Variants in DYNLL1 observed in about 807,000 individuals in gnomAD.
DYNLL1 encodes the protein dynein light chain 1, cytoplasmic.
A neutral mutation model predicts 10.1 loss-of-function variants in DYNLL1; 3 were observed. The ratio of observed to expected loss-of-function variants is 0.30; its 90% CI spans 0.14 to 0.77. The LOEUF (loss-of-function observed/expected upper bound fraction) is 0.77. Among genes scored for constraint, DYNLL1 ranks in the 30% least tolerant of loss-of-function variants. The pLI, the probability that DYNLL1 is intolerant of heterozygous loss-of-function variation, is 0.66. For missense variants in DYNLL1, 47 were observed against 111.7 expected (o/e 0.42, Z 2.61); for synonymous variants, 46 against 41.2 (o/e 1.12, Z -0.45).
chr12:120,474,204 G>A (rs536587503), intron 1 of DYNLL1, among the ~76,000 whole-genome samples: 1 of 151,736 alleles, frequency 6.6e-6, no homozygotes, highest in Non-Finnish European at 1.5e-5. Flanking sequence ...GGAGGCTGAG[G>A]GGGGAGAATC....
intron 1 of DYNLL1, among the ~76,000 whole-genome samples, chr12:120,472,485 C>T (rs1228250370): frequency 1.3e-5 from 2 of 151,998 alleles, no homozygotes; most frequent in Non-Finnish European, 2.9e-5. Flanking sequence ...TATAGGCATC[C>T]GAAAGTCCAG....
intron 1 of DYNLL1, among the ~76,000 whole-genome samples, chr12:120,474,203 G>A (rs58811988): frequency 1.3e-5 from 2 of 151,692 alleles, no homozygotes; most frequent in African/African-American, 4.9e-5. Flanking sequence ...GGGAGGCTGA[G>A]GGGGGAGAAT....
chr12:120,492,749 G>A (rs377362706), upstream of DYNLL1, among the ~76,000 whole-genome samples: 151 of 152,214 alleles, frequency 9.9e-4, 1 homozygote, highest in South Asian at 0.015. The surrounding 1 kb of genome is among the most constrained non-coding windows in gnomAD (Gnocchi z 4.1). Flanking sequence ...GGCTTAGAAG[G>A]ATTTTTAAGC....
intron 1 of DYNLL1, among the ~76,000 whole-genome samples, chr12:120,485,684 C>CA (rs901857472): frequency 2.0e-5 from 3 of 151,174 alleles, no homozygotes; most frequent in Non-Finnish European, 3.0e-5. Context: ...TATTAAAAAT[C>CA]AAAAAAATTA....
Position 120,482,303 on chromosome 12 carries a change from A to T in DYNLL1, c.-7+12199A>T, listed in dbSNP as rs1565921628. ...CCAGCCCGGGCAACATAGAAAGGCAAAGGTACTAGATTTGCCAAAACAATT... is the reference window on the plus strand; with the variant it reads ...CCAGCCCGGGCAACATAGAAAGGCATAGGTACTAGATTTGCCAAAACAATT... On this transcript the variant is annotated intron_variant, in intron 1 of 2. Coordinates refer to the DYNLL1 transcript ENST00000392509. Among the ~76,000 whole-genome samples, 3 of 150,746 alleles carry T rather than the reference A, an allele frequency of 2.0e-5. No homozygotes were observed. In the Admixed American group the frequency reaches 2.0e-4, roughly 10 times the overall value.
chr12:120,498,154 C>T lies in DYNLL1; in HGVS notation c.214C>T (p.His72Tyr). 6.2e-7 allele frequency: 1 copy of T among 1,613,976 alleles called. No individual in the cohort carries two copies. Among genetic ancestry groups the T allele is most frequent in the Non-Finnish European group, 8.5e-7 (1 of 1,180,000 alleles). ...TAGTTATGTGACACATGAAACCAAA[C>T]ACTTCATCTACTTCTACCTGGGCCA... is the stretch of plus-strand genomic sequence containing the variant. ...FGSYVTHETK[H>Y]FIYFYLGQVA... The change falls in exon 3 of 3, where the codon CAC becomes TAC. Residue 72 changes from histidine to tyrosine, a missense_variant. Physicochemically the swap from His to Tyr is moderately conservative, Grantham distance 83. Coordinates refer to ENST00000242577, the MANE Select transcript of DYNLL1 (RefSeq NM_003746.3).
intron 1 of DYNLL1, among the ~76,000 whole-genome samples, chr12:120,474,337 G>T (rs928286452): frequency 6.6e-6 from 1 of 151,714 alleles, no homozygotes; most frequent in African/African-American, 2.4e-5. Context: ...AAACTGAAAA[G>T]AAGCCTTTGA....
At chr12:120,493,681 G>C (rs1355844953), upstream of DYNLL1, 1 of 150,520 alleles carries the variant, frequency 6.6e-6, no homozygotes, top group South Asian at 2.1e-4. Context: ...GTGCGATCTC[G>C]GCTCACTGCA....
intron 1 of DYNLL1, among the ~76,000 whole-genome samples, chr12:120,470,286 G>A (rs1157604695): frequency 1.3e-5 from 2 of 151,990 alleles, no homozygotes; most frequent in Non-Finnish European, 2.9e-5. Context: ...ATCCTCTCCC[G>A]GGCAGAGTCT....
chr12:120,492,959 T>A (rs978007010), upstream of DYNLL1, among the ~76,000 whole-genome samples: 4 of 152,084 alleles, frequency 2.6e-5, no homozygotes, highest in Non-Finnish European at 5.9e-5. The surrounding 1 kb of genome is among the most constrained non-coding windows in gnomAD (Gnocchi z 4.1). Flanking sequence ...CTAAGGATCC[T>A]CTCTTTGGAA....
At chr12:120,496,093 C>T (rs1384214211), upstream of DYNLL1, 6 of 421,430 alleles carry the variant, frequency 1.4e-5, no homozygotes, top group South Asian at 1.0e-4. Flanking sequence ...TAGGCGGCGG[C>T]GGCTGGCGTG....
At chr12:120,473,492 C>T (rs1878691049) in intron 1 of DYNLL1, among the ~76,000 whole-genome samples, 1 of 151,580 alleles carries the variant, frequency 6.6e-6, no homozygotes, top group African/African-American at 2.4e-5. Context: ...GTCAGGAGTT[C>T]GAGACCAGCC....
At chr12:120,487,332 G>A (rs2137064612) in intron 1 of DYNLL1, among the ~76,000 whole-genome samples, 1 of 115,654 alleles carries the variant, frequency 8.6e-6, no homozygotes, top group East Asian at 2.8e-4. Flanking sequence ...TTGCTCTGTT[G>A]CCCAGGCTGG....
At chr12:120,487,621 A>G (rs1879027463) in intron 1 of DYNLL1, among the ~76,000 whole-genome samples, 1 of 152,120 alleles carries the variant, frequency 6.6e-6, no homozygotes, top group African/African-American at 2.4e-5. Context: ...TGACTTCTAT[A>G]CACACTTCAC....
intron 2 of DYNLL1, 187 bp downstream of exon 2, chr12:120,496,740 AGT>A: frequency 1.7e-5 from 12 of 710,210 alleles, no homozygotes; most frequent in Non-Finnish European, 2.3e-5. Context: ...CGGCGTCCGA[AGT>A]TTTTTTTTTT....
At chr12:120,492,670 C>T (rs1358158335), upstream of DYNLL1, among the ~76,000 whole-genome samples, 1 of 152,122 alleles carries the variant, frequency 6.6e-6, no homozygotes, top group Non-Finnish European at 1.5e-5. The surrounding 1 kb of genome is among the most constrained non-coding windows in gnomAD (Gnocchi z 4.1). Flanking sequence ...ATTCCAAAGC[C>T]CGTGCTCTCA....
chr12:120,473,983 G>A (rs540520), intron 1 of DYNLL1, among the ~76,000 whole-genome samples: 59,538 of 150,256 alleles, frequency 0.4, 14,131 homozygotes, highest in African/African-American at 0.69. Flanking sequence ...ACATAAAAAA[G>A]GACACCATGA....
exon 1 of DYNLL1, chr12:120,469,975 A>G (rs1416129707): frequency 1.2e-5 from 2 of 165,148 alleles, no homozygotes; most frequent in African/African-American, 2.4e-5. Flanking sequence ...GGCGCCGCCT[A>G]CCTCACAGAC....
At chr12:120,481,934 G>A (rs949088828) in intron 1 of DYNLL1, among the ~76,000 whole-genome samples, 4 of 152,144 alleles carry the variant, frequency 2.6e-5, no homozygotes, top group African/African-American at 4.8e-5. Flanking sequence ...CGGCAGCCTC[G>A]ACCTCCTGGA....
Sources: allele counts gnomAD v4.1 joint callset (sites outside exome capture counted in the v4.1 genomes callset), GRCh38; gene constraint gnomAD v4.1.1; non-coding constraint Gnocchi (gnomAD v3.1); transcripts MANE v1.5; gene names NCBI Gene and HGNC (gene_info 2026-07-23, HGNC 2026-07-21).